The following GRIN2B variants were observed in gnomAD, a reference collection of about 807,000 sequenced individuals.
GRIN2B encodes glutamate receptor ionotropic, NMDA 2B.
Under a neutral mutation model 114.5 loss-of-function variants are expected in GRIN2B, and 5 were observed. The ratio of observed to expected loss-of-function variants is 0.04; its 90% CI spans 0.02 to 0.09. The LOEUF (loss-of-function observed/expected upper bound fraction) is 0.09. Among genes scored for constraint, GRIN2B ranks in the 10% least tolerant of loss-of-function variants. GRIN2B has a pLI of 1.00. For missense variants in GRIN2B, 1,108 were observed against 1,943.5 expected, an observed-to-expected ratio of 0.57 and a Z score of 8.08; for synonymous variants, 787 against 745.1, an observed-to-expected ratio of 1.06 and a Z score of -0.92.
At chr12:13,883,172 G>C (rs897891418) in intron 2 of GRIN2B, among the ~76,000 whole-genome samples, 1 of 152,094 alleles carries the variant, frequency 6.6e-6, no homozygotes, top group African/African-American at 2.4e-5. Flanking sequence ...GGACATTAAG[G>C]GGTGTTACCA....
intron 3 of GRIN2B, among the ~76,000 whole-genome samples, chr12:13,814,688 C>T (rs1374126412): frequency 6.6e-6 from 1 of 152,222 alleles, no homozygotes; most frequent in Non-Finnish European, 1.5e-5. Context: ...AAATGTTTTA[C>T]ATCTGTGCTG....
intron 3 of GRIN2B, among the ~76,000 whole-genome samples, chr12:13,864,328 C>A (rs988033555): frequency 2.0e-5 from 3 of 152,116 alleles, no homozygotes; most frequent in African/African-American, 4.8e-5. Context: ...TGCTCCACTG[C>A]GGAGGTTGTC....
chr12:13,964,048 C>T (rs1867746783), intron 2 of GRIN2B, among the ~76,000 whole-genome samples: 1 of 152,164 alleles, frequency 6.6e-6, no homozygotes, highest in Non-Finnish European at 1.5e-5. Flanking sequence ...AGAATTTGTT[C>T]TCAGGGCCTT....
intron 2 of GRIN2B, among the ~76,000 whole-genome samples, chr12:13,878,354 C>A (rs1047106653): frequency 6.6e-6 from 1 of 152,196 alleles, no homozygotes; most frequent in African/African-American, 2.4e-5. Context: ...CTCCATACAG[C>A]CTACTTCCAG....
At chr12:13,712,867 T>C (rs1950426455) in intron 4 of GRIN2B, among the ~76,000 whole-genome samples, 1 of 151,958 alleles carries the variant, frequency 6.6e-6, no homozygotes, top group Admixed American at 6.6e-5. Context: ...TTCTTGGAGA[T>C]AGCTTCTCTT....
At chr12:13,694,703 A>T (rs1248797300) in intron 4 of GRIN2B, among the ~76,000 whole-genome samples, 2 of 127,736 alleles carry the variant, frequency 1.6e-5, no homozygotes, top group Admixed American at 1.6e-4. Context: ...ATATATATAT[A>T]AATTAATTAA....
intron 3 of GRIN2B, among the ~76,000 whole-genome samples, chr12:13,817,979 T>A (rs937820891): frequency 2.6e-5 from 4 of 152,218 alleles, no homozygotes; most frequent in African/African-American, 9.6e-5. Flanking sequence ...TTATCGTTTT[T>A]TTGTTTCTCC....
intron 10 of GRIN2B, among the ~76,000 whole-genome samples, chr12:13,580,734 G>T (rs929867696): frequency 8.5e-5 from 13 of 152,236 alleles, no homozygotes; most frequent in African/African-American, 1.4e-4. Context: ...TTATTGTCAT[G>T]AATTTTAACC....
chr12:13,807,126 A>G (rs189246154), intron 3 of GRIN2B, among the ~76,000 whole-genome samples: 30 of 152,164 alleles, frequency 2.0e-4, no homozygotes, highest in Non-Finnish European at 2.8e-4. Context: ...TCGTCTTGAA[A>G]TTTTGCTTGG....
At chr12:13,810,427 T>C (rs1864707462) in intron 3 of GRIN2B, among the ~76,000 whole-genome samples, 1 of 152,118 alleles carries the variant, frequency 6.6e-6, no homozygotes, top group African/African-American at 2.4e-5. Context: ...AAAGCAGGGA[T>C]TCTACTGTGT....
intron 2 of GRIN2B, among the ~76,000 whole-genome samples, chr12:13,900,367 C>G (rs1278457363): frequency 6.6e-6 from 1 of 151,790 alleles, no homozygotes; most frequent in Non-Finnish European, 1.5e-5. Flanking sequence ...CCCAGCTACA[C>G]AGGAGGCCAA....
At chr12:13,713,718 A>T (rs1284962440) in intron 4 of GRIN2B, among the ~76,000 whole-genome samples, 1 of 151,850 alleles carries the variant, frequency 6.6e-6, no homozygotes, top group African/African-American at 2.4e-5. Context: ...TGCTTAAGAA[A>T]AGTACGTAGA....
chr12:13,778,761 C>T (rs1022804985), intron 3 of GRIN2B, among the ~76,000 whole-genome samples: 2 of 152,182 alleles, frequency 1.3e-5, no homozygotes, highest in African/African-American at 4.8e-5. Flanking sequence ...ACCTGAAACC[C>T]GTACTTTTAA....
Position 13,865,856 on chromosome 12 carries a change from T to A in GRIN2B, c.353A>T (p.Gln118Leu). ...IAQILDFISA[Q>L]TLTPILGIHG... ...GATGCCCAGGATGGGGGTGAGAGTC[T>A]GTGCTGAAATGAAATCGAGGATCTG... is the stretch of plus-strand genomic sequence containing the variant. Residue 118 changes from glutamine (Q) to leucine (L), a missense_variant, in exon 3 of 14, where the codon CAG (glutamine) becomes CTG (leucine). Coordinates refer to ENST00000609686, the MANE Select transcript of GRIN2B (RefSeq NM_000834.5). The A allele has an allele frequency of 1.2e-6, 2 of 1,614,034 alleles. No homozygotes were observed. The highest frequency in any genetic ancestry group is 1.7e-6 in the Non-Finnish European group (2 of 1,179,970).
intron 3 of GRIN2B, among the ~76,000 whole-genome samples, chr12:13,761,984 C>A (rs1170294233): frequency 6.6e-5 from 10 of 152,000 alleles, no homozygotes; most frequent in Admixed American, 6.6e-4. Flanking sequence ...AAAACTAAAC[C>A]TAATAACCAA....
At chr12:13,790,205 G>C (rs901201474) in intron 3 of GRIN2B, among the ~76,000 whole-genome samples, 3 of 152,064 alleles carry the variant, frequency 2.0e-5, no homozygotes, top group South Asian at 4.1e-4. Context: ...CTAAGCCTTC[G>C]GCCTGCAGGA....
chr12:13,571,469 T>C (rs913336921), intron 11 of GRIN2B, among the ~76,000 whole-genome samples: 6 of 66,964 alleles, frequency 9.0e-5, no homozygotes, highest in African/African-American at 1.6e-4. Flanking sequence ...TTTTCACCTC[T>C]TGGACAACAG....
At chr12:13,571,719 G>C in intron 11 of GRIN2B, 85 bp downstream of exon 11, 1 of 1,316,996 alleles carries the variant, frequency 7.6e-7, no homozygotes, top group Non-Finnish European at 1.1e-6. Flanking sequence ...ACCAAGCATG[G>C]TATACCTAGT....
chr12:13,789,985 G>T (rs115808473), intron 3 of GRIN2B, among the ~76,000 whole-genome samples: 84 of 152,306 alleles, frequency 5.5e-4, no homozygotes, highest in African/African-American at 2.0e-3. Context: ...TGAGTTGAAA[G>T]CATCCTTACT....
Sources: allele counts gnomAD v4.1 joint callset (sites outside exome capture counted in the v4.1 genomes callset), GRCh38; gene constraint gnomAD v4.1.1; transcripts MANE v1.5; gene names NCBI Gene and HGNC (gene_info 2026-07-23, HGNC 2026-07-21).